LHFPL6: variants seen among roughly 807,000 people sequenced by gnomAD.
LHFPL6 encodes LHFPL tetraspan subfamily member 6, also known as LHFPL tetraspan subfamily member 6 protein.
Under a neutral mutation model 20.6 loss-of-function variants are expected in LHFPL6, and 9 were observed. The ratio of observed to expected loss-of-function variants is 0.44; its 90% CI spans 0.26 to 0.76. The LOEUF is 0.76. Among genes scored for constraint, LHFPL6 ranks in the 30% least tolerant of loss-of-function variants. LHFPL6 has a pLI of 0.20. For synonymous variants in LHFPL6, 105 were observed against 98.7 expected (o/e 1.06, Z -0.38); for missense variants, 218 against 253.5 (o/e 0.86, Z 0.95).
intron 2 of LHFPL6, among the ~76,000 whole-genome samples, chr13:39,486,691 C>T (rs1440116073): frequency 6.6e-6 from 1 of 151,852 alleles, no homozygotes; most frequent in East Asian, 1.9e-4. Flanking sequence ...AGTTCAATCC[C>T]ACCAGCTTGA....
At chr13:39,451,887 T>C (rs2138421628) in intron 2 of LHFPL6, among the ~76,000 whole-genome samples, 1 of 152,230 alleles carries the variant, frequency 6.6e-6, no homozygotes, top group South Asian at 2.1e-4. Flanking sequence ...AGCATAGTAA[T>C]AAAACTATAG....
intron 2 of LHFPL6, among the ~76,000 whole-genome samples, chr13:39,514,558 C>T (rs1441201461): frequency 6.6e-6 from 1 of 152,144 alleles, no homozygotes; most frequent in African/African-American, 2.4e-5. Context: ...CACCAAGCTA[C>T]CCATGAACAC....
chr13:39,542,705 T>C (rs1250602405), intron 2 of LHFPL6, among the ~76,000 whole-genome samples: 2 of 152,186 alleles, frequency 1.3e-5, no homozygotes, highest in Non-Finnish European at 2.9e-5. Flanking sequence ...CCCAACATGA[T>C]TTAATCAACT....
intron 2 of LHFPL6, among the ~76,000 whole-genome samples, chr13:39,568,876 G>A (rs561187722): frequency 6.6e-6 from 1 of 152,230 alleles, no homozygotes; most frequent in African/African-American, 2.4e-5. Context: ...TAGAGTTCAG[G>A]ATTCGACAAA....
chr13:39,456,653 TAGATATCTGCATGGAAA>T, intron 2 of LHFPL6, among the ~76,000 whole-genome samples: 1 of 152,324 alleles, frequency 6.6e-6, no homozygotes, highest in East Asian at 1.9e-4. Flanking sequence ...ATGGATCAGC[TAGATATCTGCATGGAAA>T]AATACAAAAG....
rs544949200 is a variant in LHFPL6 at position 39,544,781 on chromosome 13, C to T, written c.385+56051G>A. The stretch of plus-strand genomic sequence containing the variant: ...AAGTCCTAAGGAATGAACTGGATGG[C>T]AAAAACTGTTACAGTACAAAAAGTT... On this transcript the variant is annotated intron_variant, in intron 2 of 3. Transcript: ENST00000379589. Among the ~76,000 whole-genome samples the T allele has an allele frequency of 2.8e-4, 43 of 152,158 alleles. 2 individuals carry two copies. Among genetic ancestry groups the T allele is most frequent in the African/African-American group, 9.6e-4 (40 of 41,470 alleles).
intron 3 of LHFPL6, among the ~76,000 whole-genome samples, chr13:39,365,491 A>G (rs562303611): frequency 3.0e-4 from 45 of 152,290 alleles, no homozygotes; most frequent in African/African-American, 1.0e-3. Context: ...ACCTCATTCA[A>G]TTTGGGCAAG....
chr13:39,563,483 C>T (rs1201185829), intron 2 of LHFPL6, among the ~76,000 whole-genome samples: 1 of 152,068 alleles, frequency 6.6e-6, no homozygotes, highest in African/African-American at 2.4e-5. Context: ...TTATACAGAT[C>T]AAATAGGTGT....
chr13:39,438,968 C>G (rs943920669), intron 2 of LHFPL6, among the ~76,000 whole-genome samples: 2 of 152,150 alleles, frequency 1.3e-5, no homozygotes, highest in East Asian at 1.9e-4. Context: ...GGTCGGAGCC[C>G]CCACACAGAG....
chr13:39,501,518 C>A (rs570250427), intron 2 of LHFPL6, among the ~76,000 whole-genome samples: 2 of 152,228 alleles, frequency 1.3e-5, no homozygotes, highest in African/African-American at 4.8e-5. Flanking sequence ...TACCTTCCCC[C>A]CTAACAATTA....
At chr13:39,392,666 G>C (rs996564127) in intron 2 of LHFPL6, among the ~76,000 whole-genome samples, 9 of 151,962 alleles carry the variant, frequency 5.9e-5, no homozygotes, top group Non-Finnish European at 5.9e-5. Context: ...GCAGAAGGTA[G>C]AATCAGGAAT....
chr13:39,481,654 A>G (rs1163438504), intron 2 of LHFPL6, among the ~76,000 whole-genome samples: 2 of 152,132 alleles, frequency 1.3e-5, no homozygotes, highest in African/African-American at 4.8e-5. Context: ...CCTAGATTCA[A>G]TGAGCTCATT....
At chr13:39,371,102 T>G (rs1449864744) in intron 3 of LHFPL6, among the ~76,000 whole-genome samples, 1 of 152,180 alleles carries the variant, frequency 6.6e-6, no homozygotes, top group African/African-American at 2.4e-5. Context: ...AAACAGACTC[T>G]CATCTTTATC....
intron 2 of LHFPL6, among the ~76,000 whole-genome samples, chr13:39,547,080 A>G (rs1871004664): frequency 6.6e-6 from 1 of 151,804 alleles, no homozygotes; most frequent in African/African-American, 2.4e-5. Flanking sequence ...TTCCTCCACA[A>G]ATTCTATTTC....
chr13:39,562,910 C>T (rs1474123556), intron 2 of LHFPL6, among the ~76,000 whole-genome samples: 1 of 151,946 alleles, frequency 6.6e-6, no homozygotes, highest in African/African-American at 2.4e-5. Context: ...CATAATCTGT[C>T]CCCATGCACC....
chr13:39,519,282 C>A (rs939632646), intron 2 of LHFPL6, among the ~76,000 whole-genome samples: 1 of 152,004 alleles, frequency 6.6e-6, no homozygotes, highest in Non-Finnish European at 1.5e-5. Flanking sequence ...AAGTGAGATA[C>A]AACTTGTATA....
intron 3 of LHFPL6, among the ~76,000 whole-genome samples, chr13:39,350,010 G>A (rs2181759): frequency 0.073 from 11,163 of 152,174 alleles, 721 homozygotes; most frequent in African/African-American, 0.17. Flanking sequence ...GTATTGTTGG[G>A]TAGGAATATG....
intron 2 of LHFPL6, among the ~76,000 whole-genome samples, chr13:39,581,466 T>C (rs1207657606): frequency 6.7e-6 from 1 of 148,948 alleles, no homozygotes; most frequent in African/African-American, 2.5e-5. Context: ...AGTGGGTGGA[T>C]GAGATAAACG....
chr13:39,389,375 A>G (rs761511597), intron 2 of LHFPL6, among the ~76,000 whole-genome samples: 3 of 152,182 alleles, frequency 2.0e-5, no homozygotes, highest in Non-Finnish European at 2.9e-5. Flanking sequence ...ATAGTAATTC[A>G]TTATTTTTTA....
Sources: allele counts gnomAD v4.1 joint callset (sites outside exome capture counted in the v4.1 genomes callset), GRCh38; gene constraint gnomAD v4.1.1; transcripts MANE v1.5; gene names NCBI Gene and HGNC (gene_info 2026-07-23, HGNC 2026-07-21).